KLRC4: variants seen among roughly 807,000 people sequenced by gnomAD.
The protein encoded by KLRC4 is killer cell lectin like receptor C4.
Under a neutral mutation model 14.3 loss-of-function variants are expected in KLRC4, and 6 were observed. That is an observed-to-expected ratio of 0.42 (90% CI 0.23 to 0.83). The LOEUF (loss-of-function observed/expected upper bound fraction) is 0.83. Ranked by LOEUF, KLRC4 falls within the 40% of genes least tolerant of loss-of-function variation. The probability of loss-of-function intolerance (pLI) is 0.29; values close to 1 mark genes in which losing one functional copy is unlikely to be tolerated. For synonymous variants in KLRC4, 53 were observed against 60.5 expected (o/e 0.88, Z 0.57); for missense variants, 158 against 179.4 (o/e 0.88, Z 0.68).
At position 10,407,687 on chromosome 12, in the gene KLRC4, G is replaced by A. The variant is rs1863519009; in HGVS notation, c.443C>T (p.Pro148Leu). 2 of 1,613,614 alleles carry A rather than the reference G, an allele frequency of 1.2e-6. No individual in the cohort carries two copies. Among genetic ancestry groups the A allele is most frequent in the African/African-American group, 2.7e-5 (2 of 74,868 alleles). Residue 148 changes from proline to leucine, a missense_variant, in exon 4 of 4, where the codon CCT (proline) becomes CTT (leucine). Physicochemically the swap from Pro to Leu is moderately conservative, Grantham distance 98. Coordinates refer to ENST00000309384, the MANE Select transcript of KLRC4 (RefSeq NM_013431.2). The part of the protein sequence containing the change: ...RRTWEERVCW[P>L]VLRRTLICFL ...GCAGATCAGAGTTCTTCGAAGCACA[G>A]GCCAGCAAACTCTTTCTTCCCAAGT...
rs771187402 is a variant in KLRC4, at chr12:10,409,059, GAGA to G, written c.188-52_188-50del. 8 of 1,604,864 alleles carry G rather than the reference GAGA, an allele frequency of 5.0e-6. No individual in the cohort carries two copies. In the African/African-American group the frequency reaches 8.0e-5, roughly 16 times the overall value. ...GAGAGAGGGGAGATAGAGAGTTGAT[GAGA>G]AGGTTTACGTACAAGAGAACTCACG... On this transcript the variant is annotated intron_variant, in intron 1 of 3. Transcript: ENST00000309384.
intron 2 of KLRC4, 103 bp from the exon 3 acceptor site, chr12:10,408,485 G>T: frequency 1.6e-6 from 1 of 620,326 alleles, no homozygotes; most frequent in African/African-American, 2.0e-5. Context: ...TTTTAAATTG[G>T]AACAATCTGA....
Position 10,408,975 on chromosome 12 carries a change from C to T in KLRC4, c.223G>A (p.Val75Ile). 1 of 1,613,710 alleles carries T rather than the reference C, an allele frequency of 6.2e-7. No homozygotes were observed. Among genetic ancestry groups the T allele is most frequent in the Non-Finnish European group, 8.5e-7 (1 of 1,179,732 alleles). ...AGGACAATGCAAATGATTCCTAGGACCTCAGCAGTGAGCTTCTCTGGAGGT... is the reference window on the plus strand; with the variant it reads ...AGGACAATGCAAATGATTCCTAGGATCTCAGCAGTGAGCTTCTCTGGAGGT... ...LPPPEKLTAE[V>I]LGIICIVLMA... Residue 75 changes from valine (V) to isoleucine (I), a missense_variant, in exon 2 of 4, where the codon GTC (valine) becomes ATC (isoleucine). Val to Ile is a conservative substitution (Grantham distance 29). Coordinates refer to ENST00000309384, the MANE Select transcript of KLRC4 (RefSeq NM_013431.2).
At position 10,409,696 on chromosome 12, in the gene KLRC4, T is replaced by C; in HGVS notation, c.-121A>G. ...CAAACTGCATGTGTTGGAGGCTGAG[T>C]AGTAATGTTCATTTTGCTGTTGACC... On this transcript the variant is annotated 5_prime_UTR_variant, in exon 1 of 4. Coordinates refer to ENST00000309384, the MANE Select transcript of KLRC4 (RefSeq NM_013431.2). The C allele has an allele frequency of 7.4e-7, 1 of 1,346,702 alleles. No homozygotes were observed. Among genetic ancestry groups the C allele is most frequent in the Non-Finnish European group, 9.9e-7 (1 of 1,011,012 alleles). 83.4% of individuals were successfully genotyped at this position (1,346,702 alleles called of 1,614,324 possible).
At chr12:10,407,908 A>C in intron 3 of KLRC4, 119 bp from the exon 4 acceptor site, 1 of 1,348,458 alleles carries the variant, frequency 7.4e-7, no homozygotes, top group South Asian at 1.7e-5. Context: ...TAAGTTGTTA[A>C]ATATATATTT....
rs1863521575 is a variant in KLRC4, at chr12:10,407,827, T to A, written c.341-38A>T. The A allele has an allele frequency of 3.2e-6, 5 of 1,576,732 alleles. No homozygotes were observed. In the East Asian group the frequency reaches 1.1e-4, roughly 35 times the overall value. On this transcript the variant is annotated intron_variant, in intron 3 of 3. Transcript: ENST00000309384. ...ATGAATTACTATGCAAAACAATATG[T>A]TTACAAATGAAAATTATTTTATATA... is the stretch of plus-strand genomic sequence containing the variant.
Position 10,409,688 on chromosome 12 carries a change from A to G in KLRC4, c.-113T>C. The G allele has an allele frequency of 1.4e-6, 2 of 1,396,834 alleles. No individual in the cohort carries two copies. Among genetic ancestry groups the G allele is most frequent in the Non-Finnish European group, 1.9e-6 (2 of 1,043,150 alleles). 86.5% of individuals were successfully genotyped at this position (1,396,834 alleles called of 1,614,324 possible). ...GGTATAGGCAAACTGCATGTGTTGG[A>G]GGCTGAGTAGTAATGTTCATTTTGC... On this transcript the variant is annotated 5_prime_UTR_variant, in exon 1 of 4. Coordinates refer to ENST00000309384, the MANE Select transcript of KLRC4 (RefSeq NM_013431.2).
rs1322464593 is a variant in KLRC4, at chr12:10,408,946, C to A, written c.252G>T (p.Met84Ile). 6.2e-7 allele frequency: 1 copy of A among 1,613,622 alleles called. No individual in the cohort carries two copies. The highest frequency in any genetic ancestry group is 2.2e-5 in the East Asian group (1 of 44,858). ...GAACTATTGTTTTTAACACAGTGGC[C>A]ATCAGGACAATGCAAATGATTCCTA... ...EVLGIICIVL[M>I]ATVLKTIVLI... The change falls in exon 2 of 4, where the codon ATG becomes ATT. Residue 84 changes from methionine to isoleucine, a missense_variant. Coordinates refer to ENST00000309384, the MANE Select transcript of KLRC4 (RefSeq NM_013431.2).
At position 10,407,560 on chromosome 12, in the gene KLRC4, C is replaced by T. The variant is rs992933403; in HGVS notation, c.*93G>A. 1 of 1,429,632 alleles carries T rather than the reference C, an allele frequency of 7.0e-7. No homozygotes were observed. The highest frequency in any genetic ancestry group is 2.0e-5 in the Admixed American group (1 of 49,042). 88.6% of individuals were successfully genotyped at this position (1,429,632 alleles called of 1,614,324 possible). A position where few individuals can be genotyped will look rare whatever the true frequency, so the allele number is the denominator to read the frequency against. ...TATATGAAGTAAATATATGTATAAA[C>T]ATATGGATGATTTCTACAAATATGA... On this transcript the variant is annotated 3_prime_UTR_variant, in exon 4 of 4. Transcript: ENST00000309384.
At chr12:10,407,859 A>G in intron 3 of KLRC4, 70 bp from the exon 4 acceptor site, 1 of 1,545,072 alleles carries the variant, frequency 6.5e-7, no homozygotes, top group Non-Finnish European at 8.7e-7. Context: ...TATATTTGCA[A>G]AGCTATAAAC....
chr12:10,409,703 G>C lies in KLRC4; in HGVS notation c.-128C>G. On this transcript the variant is annotated 5_prime_UTR_variant, in exon 1 of 4. Transcript: ENST00000309384. ...CATGTGTTGGAGGCTGAGTAGTAAT[G>C]TTCATTTTGCTGTTGACCAATATAA... The C allele has an allele frequency of 7.7e-7, 1 of 1,303,746 alleles. No individual in the cohort carries two copies. Among genetic ancestry groups the C allele is most frequent in the Non-Finnish European group, 1.0e-6 (1 of 983,486 alleles). 80.8% of individuals were successfully genotyped at this position (1,303,746 alleles called of 1,614,324 possible).
Position 10,409,645 on chromosome 12 carries a change from T to C in KLRC4, c.-70A>G. 6.6e-7 allele frequency: 1 copy of C among 1,514,996 alleles called. No individual in the cohort carries two copies. The highest frequency in any genetic ancestry group is 8.8e-7 in the Non-Finnish European group (1 of 1,131,000). 93.8% of individuals were successfully genotyped at this position (1,514,996 alleles called of 1,614,324 possible). ...CACTTAAGAAGCTATAAGTGGTGTA[T>C]ATTTTGACAGGATCCCTGGTATAGG... On this transcript the variant is annotated 5_prime_UTR_variant, in exon 1 of 4. The change creates a new upstream start codon in the 5' untranslated region. Coordinates refer to ENST00000309384, the MANE Select transcript of KLRC4 (RefSeq NM_013431.2).
rs748036287 is a variant in KLRC4, at chr12:10,408,352, GAA to G, written c.315_316del (p.Ser106ProfsTer3). ...ACCTTTCTGCATTCTTCTATTCAGG[GAA>G]AAATTGTTCTGCTCCAGTACTCCAA... On this transcript the variant is annotated frameshift_variant, in exon 3 of 4. Transcript: ENST00000309384. LOFTEE classifies it low-confidence loss of function (END_TRUNC). 10 of 1,509,762 alleles carry G rather than the reference GAA, an allele frequency of 6.6e-6. No individual in the cohort carries two copies. In the African/African-American group the frequency reaches 1.4e-4, roughly 21 times the overall value. 93.5% of individuals were successfully genotyped at this position (1,509,762 alleles called of 1,614,324 possible). A position where few individuals can be genotyped will look rare whatever the true frequency, so the allele number is the denominator to read the frequency against.
chr12:10,408,716 A>G (rs962435669), intron 2 of KLRC4, among the ~76,000 whole-genome samples, 196 bp downstream of exon 2: 1 of 151,940 alleles, frequency 6.6e-6, no homozygotes, highest in Non-Finnish European at 1.5e-5. Flanking sequence ...TATTTAGTAC[A>G]CACAAAAAAA....
In KLRC4 at chr12:10,409,708, T is replaced by TAG; in HGVS notation, c.-134_-133insCT. The TAG allele has an allele frequency of 7.8e-7, 1 of 1,281,396 alleles. No homozygotes were observed. Among genetic ancestry groups the TAG allele is most frequent in the Non-Finnish European group, 1.0e-6 (1 of 967,788 alleles). The allele number at this position is 1,281,396 out of a possible 1,614,324, so 79.4% of individuals were successfully genotyped here. A position where few individuals can be genotyped will look rare whatever the true frequency, so the allele number is the denominator to read the frequency against. Reference sequence around the variant, plus strand: ...GTTGGAGGCTGAGTAGTAATGTTCATTTTGCTGTTGACCAATATAAAAGTC... The same window carrying TAG: ...GTTGGAGGCTGAGTAGTAATGTTCATAGTTTGCTGTTGACCAATATAAAAGTC... On this transcript the variant is annotated 5_prime_UTR_variant, in exon 1 of 4. Coordinates refer to ENST00000309384, the MANE Select transcript of KLRC4 (RefSeq NM_013431.2).
At position 10,407,591 on chromosome 12, in the gene KLRC4, AC is replaced by A; in HGVS notation, c.*61del. 1 of 1,558,610 alleles carries A rather than the reference AC, an allele frequency of 6.4e-7. No homozygotes were observed. Among genetic ancestry groups the A allele is most frequent in the Non-Finnish European group, 8.7e-7 (1 of 1,146,284 alleles). On this transcript the variant is annotated 3_prime_UTR_variant, in exon 4 of 4. Coordinates refer to ENST00000309384, the MANE Select transcript of KLRC4 (RefSeq NM_013431.2). ...GATGATTTCTACAAATATGATATTG[AC>A]AGAAATAAGCTTTTAGTAAAGTGTT...
chr12:10,407,860 A>T, intron 3 of KLRC4, 71 bp from the exon 4 acceptor site: 1 of 1,533,702 alleles, frequency 6.5e-7, no homozygotes, highest in South Asian at 1.3e-5. Context: ...ATATTTGCAA[A>T]GCTATAAACA....
At chr12:10,409,073 A>C in intron 1 of KLRC4, 63 bp from the exon 2 acceptor site, 1 of 1,566,964 alleles carries the variant, frequency 6.4e-7, no homozygotes, top group Non-Finnish European at 8.8e-7. Context: ...AGGTTTACGT[A>C]CAAGAGAACT....
intron 3 of KLRC4, among the ~76,000 whole-genome samples, 158 bp from the exon 4 acceptor site, chr12:10,407,947 G>A (rs948114421): frequency 3.9e-5 from 6 of 152,108 alleles, no homozygotes; most frequent in African/African-American, 1.4e-4. Flanking sequence ...ATACGCACAT[G>A]CACAATAAAA....
Sources: allele counts gnomAD v4.1 joint callset (sites outside exome capture counted in the v4.1 genomes callset), GRCh38; gene constraint gnomAD v4.1.1; transcripts MANE v1.5; gene names NCBI Gene and HGNC (gene_info 2026-07-23, HGNC 2026-07-21).